CACNA2D3: variants seen among roughly 807,000 people sequenced by gnomAD.
CACNA2D3 encodes voltage-dependent calcium channel subunit alpha-2/delta-3.
CACNA2D3 carries 60 observed loss-of-function variants against 160.6 expected under a neutral mutation model. The observed-to-expected ratio is 0.37, with a 90% CI of 0.30 to 0.46. CACNA2D3 has a LOEUF of 0.46. Among genes scored for constraint, CACNA2D3 ranks in the 20% least tolerant of loss-of-function variants. The pLI, the probability that CACNA2D3 is intolerant of heterozygous loss-of-function variation, is 1.00. For missense variants in CACNA2D3, 1,205 were observed against 1,365.0 expected (o/e 0.88, Z 1.85); for synonymous variants, 558 against 492.9 (o/e 1.13, Z -1.75).
intron 27 of CACNA2D3, among the ~76,000 whole-genome samples, chr3:54,963,725 T>C (rs1702083880): frequency 6.6e-6 from 1 of 152,150 alleles, no homozygotes; most frequent in South Asian, 2.1e-4. Flanking sequence ...GAATCTCTCT[T>C]CGGTGATTTG....
intron 2 of CACNA2D3, among the ~76,000 whole-genome samples, chr3:54,206,041 A>G (rs1701270507): frequency 6.6e-6 from 1 of 152,182 alleles, no homozygotes; most frequent in Non-Finnish European, 1.5e-5. Context: ...AGCCTGTGTT[A>G]TATGTATGTA....
At chr3:54,487,165 G>T (rs1701028085) in intron 4 of CACNA2D3, among the ~76,000 whole-genome samples, 1 of 152,028 alleles carries the variant, frequency 6.6e-6, no homozygotes, top group African/African-American at 2.4e-5. Context: ...CCAGGAGTTT[G>T]AGACCAGCCT....
At chr3:54,316,852 A>C (rs1334875195) in intron 2 of CACNA2D3, among the ~76,000 whole-genome samples, 1 of 152,234 alleles carries the variant, frequency 6.6e-6, no homozygotes, top group Non-Finnish European at 1.5e-5. Context: ...AGAGAAACAC[A>C]TACAGGTAAC....
chr3:54,838,377 C>T (rs1698743144), intron 15 of CACNA2D3, among the ~76,000 whole-genome samples, 191 bp from the exon 16 acceptor site: 1 of 152,138 alleles, frequency 6.6e-6, no homozygotes, highest in Non-Finnish European at 1.5e-5. Context: ...GAGAAGCTCT[C>T]ATTTTACCCA....
At chr3:54,556,316 CAG>C (rs1404293604) in intron 5 of CACNA2D3, among the ~76,000 whole-genome samples, 1 of 151,984 alleles carries the variant, frequency 6.6e-6, no homozygotes, top group Non-Finnish European at 1.5e-5. Context: ...AGATTTGACA[CAG>C]AGACACACAG....
In CACNA2D3 at chr3:54,822,832, TTTTC is replaced by T. The variant is rs60981421; in HGVS notation, c.1398+5990_1398+5993del. On this transcript the variant is annotated intron_variant, in intron 14 of 37. Coordinates refer to ENST00000474759, the MANE Select transcript of CACNA2D3 (RefSeq NM_018398.3). ...CTTTCTTTCTTTCTTTCTTTCTTTC[TTTTC>T]TTTCTTTCTTTCTTTCTTTCTTTCT... 8.8e-4 allele frequency among the ~76,000 whole-genome samples: 51 copies of T among 58,010 alleles called. 1 individual carries two copies. The highest frequency in any genetic ancestry group is 2.6e-3 in the African/African-American group (30 of 11,494). The allele number at this position is 58,010 out of a possible 152,430, so 38.1% of individuals were successfully genotyped here. A position where few individuals can be genotyped will look rare whatever the true frequency, so the allele number is the denominator to read the frequency against.
intron 2 of CACNA2D3, among the ~76,000 whole-genome samples, chr3:54,316,151 G>A (rs1458047222): frequency 2.2e-5 from 3 of 137,632 alleles, no homozygotes; most frequent in Non-Finnish European, 3.2e-5. Context: ...ACTGTCATAC[G>A]TTGTGACACT....
intron 17 of CACNA2D3, among the ~76,000 whole-genome samples, chr3:54,855,059 T>A (rs569278712): frequency 7.5e-4 from 114 of 152,302 alleles, no homozygotes; most frequent in Non-Finnish European, 1.3e-3. Flanking sequence ...AATGCCAGGT[T>A]GGGCTGCAGA....
In CACNA2D3 at chr3:54,763,103, G is replaced by GAA. The variant is rs10665386; in HGVS notation, c.1247-1113_1247-1112dup. Among the ~76,000 whole-genome samples, 12 of 127,626 alleles carry GAA rather than the reference G, an allele frequency of 9.4e-5. 2 individuals are homozygous for GAA. In the South Asian group the frequency reaches 1.8e-3, roughly 19 times the overall value. The allele number at this position is 127,626 out of a possible 152,430, so 83.7% of individuals were successfully genotyped here. On this transcript the variant is annotated intron_variant, in intron 12 of 37. Coordinates refer to ENST00000474759, the MANE Select transcript of CACNA2D3 (RefSeq NM_018398.3). ...ACTCCATCTCAAAAAAAAAAAAAAA[G>GAA]AAAGAAAAAGAAATCATGTCTACCC...
intron 13 of CACNA2D3, among the ~76,000 whole-genome samples, chr3:54,800,898 G>C (rs1232307243): frequency 6.6e-6 from 1 of 151,994 alleles, no homozygotes; most frequent in Non-Finnish European, 1.5e-5. Flanking sequence ...CAGGAATTTT[G>C]AAGTTTAATA....
At chr3:54,941,530 G>A (rs188352424) in intron 27 of CACNA2D3, among the ~76,000 whole-genome samples, 241 of 152,228 alleles carry the variant, frequency 1.6e-3, no homozygotes, top group Non-Finnish European at 2.2e-3. Flanking sequence ...GGATTATGTG[G>A]GTGAGCAGTA....
At chr3:54,568,453 A>T (rs1702443559) in intron 6 of CACNA2D3, among the ~76,000 whole-genome samples, 1 of 152,210 alleles carries the variant, frequency 6.6e-6, no homozygotes, top group African/African-American at 2.4e-5. Context: ...AAAATAAAAA[A>T]TTATCTTTAT....
At chr3:54,787,178 A>G (rs1702657781) in intron 13 of CACNA2D3, among the ~76,000 whole-genome samples, 1 of 152,202 alleles carries the variant, frequency 6.6e-6, no homozygotes, top group South Asian at 2.1e-4. Flanking sequence ...TTTTGGAGCA[A>G]TTGAATTCTG....
intron 35 of CACNA2D3, among the ~76,000 whole-genome samples, chr3:55,043,350 C>T (rs1304044114): frequency 6.9e-6 from 1 of 143,968 alleles, no homozygotes; most frequent in Non-Finnish European, 1.5e-5. Flanking sequence ...TTCTTTCTTG[C>T]CATTTTTAAG....
At chr3:55,019,508 C>A (rs529587368) in intron 35 of CACNA2D3, among the ~76,000 whole-genome samples, 1 of 152,020 alleles carries the variant, frequency 6.6e-6, no homozygotes, top group East Asian at 1.9e-4. Flanking sequence ...ACCTACACAC[C>A]CCATAGTTTT....
chr3:54,751,617 A>C (rs1284454481), intron 11 of CACNA2D3, among the ~76,000 whole-genome samples: 1 of 152,192 alleles, frequency 6.6e-6, no homozygotes, highest in Admixed American at 6.6e-5. Flanking sequence ...ACAAAATGCT[A>C]GCTAACCACA....
At chr3:54,823,131 A>C (rs1703678471) in intron 14 of CACNA2D3, among the ~76,000 whole-genome samples, 1 of 151,904 alleles carries the variant, frequency 6.6e-6, no homozygotes, top group African/African-American at 2.4e-5. Context: ...CTGGGATTCC[A>C]GGTATGAGCC....
chr3:54,979,115 A>G (rs1702452476), intron 29 of CACNA2D3, among the ~76,000 whole-genome samples: 1 of 152,220 alleles, frequency 6.6e-6, no homozygotes, highest in African/African-American at 2.4e-5. Context: ...TTTGTACCCC[A>G]GATATCTATG....
In CACNA2D3 at chr3:54,676,753, G is replaced by T. The variant is rs149344431; in HGVS notation, c.1167+34512G>T. Among the ~76,000 whole-genome samples, 19 of 152,276 alleles carry T rather than the reference G, an allele frequency of 1.2e-4. No individual in the cohort carries two copies. In the East Asian group the frequency reaches 2.5e-3, roughly 20 times the overall value. On this transcript the variant is annotated intron_variant, in intron 11 of 37. Coordinates refer to ENST00000474759, the MANE Select transcript of CACNA2D3 (RefSeq NM_018398.3). ...TGTCAGCTGCCTGCCAATGAGAGGG[G>T]AGAGTGGCTTAATTAAACCTAAAAA...
Sources: gnomAD v4.1 joint callset for allele counts (sites outside exome capture counted in the v4.1 genomes callset) on GRCh38, gnomAD v4.1.1 for gene constraint, MANE v1.5 for transcripts, NCBI Gene and HGNC (gene_info 2026-07-23, HGNC 2026-07-21) for gene names.